Variants in PTPRM observed in about 807,000 individuals in gnomAD.
PTPRM encodes the protein protein tyrosine phosphatase receptor type M, also known as receptor-type tyrosine-protein phosphatase mu.
In PTPRM, 47 loss-of-function variants were observed where a neutral mutation model predicts 186.7. The observed-to-expected ratio is 0.25, with a 90% CI of 0.20 to 0.32. The LOEUF is 0.32. Among genes scored for constraint, PTPRM ranks in the 10% least tolerant of loss-of-function variants. The pLI, the probability that PTPRM is intolerant of heterozygous loss-of-function variation, is 1.00. For synonymous variants in PTPRM, 668 were observed against 674.9 expected (o/e 0.99, Z 0.16); for missense variants, 1,494 against 1,865.0 (o/e 0.80, Z 3.66).
chr18:8,396,699 G>T (rs1387170507), intron 32 of PTPRM, among the ~76,000 whole-genome samples: 4 of 152,230 alleles, frequency 2.6e-5, no homozygotes, highest in African/African-American at 9.6e-5. Flanking sequence ...TCCAAAGTCA[G>T]CAGCAGGTGG....
intron 1 of PTPRM, among the ~76,000 whole-genome samples, chr18:7,594,941 G>A (rs573743476): frequency 2.0e-5 from 3 of 152,078 alleles, no homozygotes; most frequent in African/African-American, 7.2e-5. Context: ...CCCACTTCTC[G>A]GGACTGAGTT....
At chr18:7,735,750 C>G (rs2040755652) in intron 1 of PTPRM, among the ~76,000 whole-genome samples, 1 of 152,090 alleles carries the variant, frequency 6.6e-6, no homozygotes. Flanking sequence ...CATTTACCAT[C>G]TATTCTTTCT....
chr18:8,086,051 G>A (rs1488949576), intron 10 of PTPRM, among the ~76,000 whole-genome samples, 179 bp downstream of exon 10: 1 of 152,118 alleles, frequency 6.6e-6, no homozygotes, highest in East Asian at 1.9e-4. Context: ...TTCTCATTTG[G>A]GAGCTTAAGA....
Position 7,906,601 on chromosome 18 carries a change from GTAAATAT to G in PTPRM, c.547+20_547+26del, listed in dbSNP as rs754524868. On this transcript the variant is annotated intron_variant, in intron 4 of 32. Coordinates refer to ENST00000580170, the MANE Select transcript of PTPRM (RefSeq NM_001105244.2). The stretch of plus-strand genomic sequence containing the variant: ...TCCATGTAGTAAGTTGTCTTTATTT[GTAAATAT>G]TCGGGTACATCATTGGGGGCATGTT... 6,897 of 1,567,434 alleles carry G rather than the reference GTAAATAT, an allele frequency of 4.4e-3. 59 individuals carry two copies. Among genetic ancestry groups the G allele is most frequent in the South Asian group, 0.022 (2,000 of 90,014 alleles).
intron 1 of PTPRM, among the ~76,000 whole-genome samples, chr18:7,645,994 C>A (rs2038552097): frequency 6.6e-6 from 1 of 152,082 alleles, no homozygotes; most frequent in African/African-American, 2.4e-5. Context: ...AACTGTGTGC[C>A]CACAACCTTT....
intron 1 of PTPRM, among the ~76,000 whole-genome samples, chr18:7,603,427 C>T (rs1387701180): frequency 2.0e-5 from 3 of 152,300 alleles, no homozygotes; most frequent in African/African-American, 4.8e-5. Context: ...GTTTGCAGGG[C>T]CCCTGCCTGT....
rs553978530 is a variant in PTPRM, at chr18:8,084,954, C to A, written c.1552-717C>A. 4.6e-5 allele frequency among the ~76,000 whole-genome samples: 7 copies of A among 152,252 alleles called. No individual in the cohort carries two copies. In the East Asian group the frequency reaches 1.4e-3, roughly 29 times the overall value. Reference sequence around the variant, plus strand: ...AGTATCATGAAAACTTCTAGAACTGCACTGTCTCATATGGCAGCTACTAAT... The same window carrying A: ...AGTATCATGAAAACTTCTAGAACTGAACTGTCTCATATGGCAGCTACTAAT... On this transcript the variant is annotated intron_variant, in intron 9 of 32. Transcript: ENST00000580170.
intron 1 of PTPRM, among the ~76,000 whole-genome samples, chr18:7,683,155 G>A (rs2039517470): frequency 6.7e-6 from 1 of 148,592 alleles, no homozygotes; most frequent in Admixed American, 6.8e-5. Context: ...GCACTGGATT[G>A]GCTTGCCATT....
intron 2 of PTPRM, among the ~76,000 whole-genome samples, chr18:7,828,413 C>A (rs1288391309): frequency 6.6e-6 from 1 of 151,942 alleles, no homozygotes; most frequent in Non-Finnish European, 1.5e-5. Flanking sequence ...CGCTTCCCCC[C>A]ACCCCACAAC....
intron 1 of PTPRM, among the ~76,000 whole-genome samples, chr18:7,583,363 A>G (rs952798970): frequency 2.6e-5 from 4 of 152,212 alleles, no homozygotes; most frequent in Non-Finnish European, 5.9e-5. Flanking sequence ...TGAGGCCTCA[A>G]CACATTTCAG....
intron 1 of PTPRM, among the ~76,000 whole-genome samples, chr18:7,624,369 C>G (rs913440831): frequency 2.0e-5 from 3 of 152,132 alleles, no homozygotes; most frequent in Admixed American, 2.0e-4. Flanking sequence ...AATCAGTTAG[C>G]CTCTACTGAA....
rs1555616949 is a variant in PTPRM at position 7,842,930 on chromosome 18, GTA to G, written c.197-45159_197-45158del. ...CTCATATGTGTGTGTGTGTGTGTGT[GTA>G]TATATATATATATATAGAGAGAGAG... On this transcript the variant is annotated intron_variant, in intron 2 of 32. Transcript: ENST00000580170. 1.2e-3 allele frequency among the ~76,000 whole-genome samples: 119 copies of G among 100,916 alleles called. 2 individuals are homozygous for G. Among genetic ancestry groups the G allele is most frequent in the Middle Eastern group, 4.8e-3 (1 of 208 alleles). 66.2% of individuals were successfully genotyped at this position (100,916 alleles called of 152,430 possible). A position where few individuals can be genotyped will look rare whatever the true frequency, so the allele number is the denominator to read the frequency against.
intron 1 of PTPRM, among the ~76,000 whole-genome samples, chr18:7,646,439 G>C (rs922587129): frequency 6.6e-6 from 1 of 152,120 alleles, no homozygotes. Flanking sequence ...TTACTTTGAT[G>C]TGTCTTTTGT....
At chr18:8,401,703 C>T (rs1395689715) in intron 32 of PTPRM, among the ~76,000 whole-genome samples, 2 of 152,244 alleles carry the variant, frequency 1.3e-5, no homozygotes, top group African/African-American at 4.8e-5. Context: ...GACGACAAGG[C>T]TCGGGCCCCT....
At chr18:7,679,485 T>C (rs1467004402) in intron 1 of PTPRM, among the ~76,000 whole-genome samples, 2 of 151,954 alleles carry the variant, frequency 1.3e-5, no homozygotes, top group Non-Finnish European at 2.9e-5. Flanking sequence ...GCCAACATGG[T>C]AAAACCCCGT....
intron 1 of PTPRM, among the ~76,000 whole-genome samples, chr18:7,645,230 A>G (rs1414806682): frequency 6.6e-6 from 1 of 152,224 alleles, no homozygotes; most frequent in Non-Finnish European, 1.5e-5. Context: ...TTTAATTTAT[A>G]CAAAAGCTAA....
chr18:8,185,486 G>A (rs2093630180), intron 14 of PTPRM, among the ~76,000 whole-genome samples: 1 of 152,238 alleles, frequency 6.6e-6, no homozygotes, highest in Admixed American at 6.5e-5. Flanking sequence ...TTGGGCCTCT[G>A]CCCTGACCAG....
At chr18:8,104,540 G>A (rs1234555963) in intron 11 of PTPRM, among the ~76,000 whole-genome samples, 2 of 152,094 alleles carry the variant, frequency 1.3e-5, no homozygotes, top group South Asian at 2.1e-4. Context: ...AAATTCCTTG[G>A]CTCAAGCGAT....
At chr18:7,770,506 C>T (rs966482274) in intron 1 of PTPRM, among the ~76,000 whole-genome samples, 2 of 152,210 alleles carry the variant, frequency 1.3e-5, no homozygotes, top group Non-Finnish European at 2.9e-5. Flanking sequence ...GCTGGCTGAA[C>T]ATGCCTGACT....
Sources: allele counts gnomAD v4.1 joint callset (sites outside exome capture counted in the v4.1 genomes callset), GRCh38; gene constraint gnomAD v4.1.1; transcripts MANE v1.5; gene names NCBI Gene and HGNC (gene_info 2026-07-23, HGNC 2026-07-21).